TSACC: variants seen among roughly 807,000 people sequenced by gnomAD.
The protein encoded by TSACC is TSSK6-activating co-chaperone protein.
In TSACC, 3 loss-of-function variants were observed where a neutral mutation model predicts 6.9. The ratio of observed to expected loss-of-function variants is 0.43; its 90% CI spans 0.20 to 1.12. The LOEUF (loss-of-function observed/expected upper bound fraction) is 1.12. Ranked by LOEUF, TSACC falls within the 50% of genes most tolerant of loss-of-function variation. The probability of loss-of-function intolerance (pLI) is 0.28; values close to 1 mark genes in which losing one functional copy is unlikely to be tolerated. For synonymous variants in TSACC, 54 were observed against 55.1 expected, an observed-to-expected ratio of 0.98 and a Z score of 0.09; for missense variants, 137 against 143.9, an observed-to-expected ratio of 0.95 and a Z score of 0.24.
intron 2 of TSACC, 71 bp from the exon 3 acceptor site, chr1:156,344,509 A>G (rs1391912809): frequency 3.0e-5 from 46 of 1,558,468 alleles, no homozygotes; most frequent in Non-Finnish European, 3.9e-5. Flanking sequence ...TTCATGGACC[A>G]GGTGCAGGGA....
At chr1:156,338,154 T>C (rs1242312701), upstream of TSACC, 4 of 1,587,452 alleles carry the variant, frequency 2.5e-6, no homozygotes, top group Non-Finnish European at 3.4e-6. Flanking sequence ...CAGAACTCAC[T>C]GAGCACGAGC....
upstream of TSACC, chr1:156,338,240 GGA>G (rs139949895): frequency 0.27 from 418,903 of 1,539,806 alleles, 59,986 homozygotes; most frequent in Non-Finnish European, 0.29. Context: ...AGAACCTTCT[GGA>G]GAGAGAGAAC....
intron 2 of TSACC, among the ~76,000 whole-genome samples, chr1:156,341,599 T>C (rs1017377732): frequency 3.3e-5 from 5 of 152,178 alleles, no homozygotes; most frequent in Non-Finnish European, 5.9e-5. Flanking sequence ...CTGCCTCCTT[T>C]TGCCTCTCTC....
chr1:156,341,204 A>C (rs940456218), intron 2 of TSACC, among the ~76,000 whole-genome samples: 19 of 152,200 alleles, frequency 1.2e-4, no homozygotes, highest in African/African-American at 4.1e-4. Flanking sequence ...AACTGCTACT[A>C]AGGGATGGGC....
chr1:156,344,796 A>G (rs1265075802), intron 3 of TSACC, 88 bp downstream of exon 3: 6 of 1,498,526 alleles, frequency 4.0e-6, no homozygotes, highest in African/African-American at 2.8e-5. Context: ...CTATTGATCA[A>G]GAGCCAAATC....
At chr1:156,340,754 C>A (rs1665833453) in intron 2 of TSACC, among the ~76,000 whole-genome samples, 2 of 152,210 alleles carry the variant, frequency 1.3e-5, no homozygotes, top group South Asian at 4.1e-4. Flanking sequence ...AGCCACCGCG[C>A]CCAGCCCCAG....
At chr1:156,337,940 A>G (rs369532350), upstream of TSACC, among the ~76,000 whole-genome samples, 10 of 152,338 alleles carry the variant, frequency 6.6e-5, no homozygotes, top group African/African-American at 2.4e-4. Context: ...TCAAGGAAAG[A>G]GGCTCGGCGA....
intron 1 of TSACC, among the ~76,000 whole-genome samples, chr1:156,339,219 G>A (rs200153582): frequency 4.4e-3 from 600 of 135,642 alleles, no homozygotes; most frequent in Admixed American, 4.4e-3. Flanking sequence ...AGCCGACATC[G>A]TGTCACTGCA....
chr1:156,344,563 A>C lies in TSACC; in HGVS notation c.35-17A>C. 6.2e-7 allele frequency: 1 copy of C among 1,612,336 alleles called. No individual in the cohort carries two copies. The highest frequency in any genetic ancestry group is 8.5e-7 in the Non-Finnish European group (1 of 1,179,450). On this transcript the variant is annotated splice_polypyrimidine_tract_variant and intron_variant, in intron 2 of 3. Transcript: ENST00000368254. Reference sequence around the variant, plus strand: ...CCCTTGTTGGAATGAGCTCTGATTTAGTTATCTCTGATTTAGTTCCAGCCA... The same window carrying C: ...CCCTTGTTGGAATGAGCTCTGATTTCGTTATCTCTGATTTAGTTCCAGCCA...
chr1:156,343,422 T>A (rs916892811), intron 2 of TSACC, among the ~76,000 whole-genome samples: 1 of 152,220 alleles, frequency 6.6e-6, no homozygotes, highest in Admixed American at 6.5e-5. Flanking sequence ...ATGCTTTTCC[T>A]TGTCTCTAGT....
intron 2 of TSACC, among the ~76,000 whole-genome samples, chr1:156,343,928 C>T (rs1000662458): frequency 3.9e-5 from 6 of 151,912 alleles, no homozygotes; most frequent in Non-Finnish European, 8.8e-5. Context: ...TTAGTAGAGA[C>T]GGAGTTTTAC....
intron 2 of TSACC, among the ~76,000 whole-genome samples, chr1:156,340,448 C>T (rs947910295): frequency 1.3e-5 from 2 of 150,190 alleles, no homozygotes; most frequent in Non-Finnish European, 3.0e-5. Flanking sequence ...TGTGAGCTAC[C>T]GCCCCCGGCC....
intron 2 of TSACC, 87 bp from the exon 3 acceptor site, chr1:156,344,493 C>T (rs1666058521): frequency 7.2e-6 from 11 of 1,530,758 alleles, no homozygotes; most frequent in African/African-American, 1.4e-5. Flanking sequence ...GGCCTGGGCA[C>T]CTGCTTTCAT....
At chr1:156,345,099 T>C (rs772344041) in intron 3 of TSACC, among the ~76,000 whole-genome samples, 4 of 152,218 alleles carry the variant, frequency 2.6e-5, no homozygotes, top group African/African-American at 7.2e-5. Flanking sequence ...CATCTTCCCT[T>C]GGGGAGGTCA....
chr1:156,346,414 G>A (rs1666181302), intron 3 of TSACC, among the ~76,000 whole-genome samples: 2 of 152,062 alleles, frequency 1.3e-5, no homozygotes, highest in Admixed American at 1.3e-4. Flanking sequence ...CTAGGTGCTA[G>A]GGTTAAAGTA....
upstream of TSACC, chr1:156,338,488 T>A (rs1175186200): frequency 1.9e-6 from 1 of 525,548 alleles, no homozygotes; most frequent in African/African-American, 1.9e-5. Flanking sequence ...CCCGGCCGCG[T>A]GCAGCGCGAA....
At chr1:156,343,334 G>A (rs1392429026) in intron 2 of TSACC, among the ~76,000 whole-genome samples, 2 of 152,196 alleles carry the variant, frequency 1.3e-5, no homozygotes, top group South Asian at 2.1e-4. Flanking sequence ...AAGAAGAGCG[G>A]CAAAAACCAG....
At chr1:156,338,093 G>C, upstream of TSACC, 1 of 1,550,682 alleles carries the variant, frequency 6.4e-7, no homozygotes, top group South Asian at 1.2e-5. Context: ...GGGCAACACT[G>C]AAAAGTATGG....
intron 2 of TSACC, 116 bp downstream of exon 2, chr1:156,339,907 T>C (rs780204080): frequency 2.9e-6 from 3 of 1,020,988 alleles, no homozygotes; most frequent in Non-Finnish European, 4.5e-6. Flanking sequence ...TGTTAAATAG[T>C]AGATGCTCAG....
Sources: gnomAD v4.1 joint callset for allele counts (sites outside exome capture counted in the v4.1 genomes callset) on GRCh38, gnomAD v4.1.1 for gene constraint, MANE v1.5 for transcripts, NCBI Gene and HGNC (gene_info 2026-07-23, HGNC 2026-07-21) for gene names.